NFIA: variants seen among roughly 807,000 people sequenced by gnomAD.
NFIA encodes nuclear factor 1 A-type.
NFIA carries 8 observed loss-of-function variants against 62.8 expected under a neutral mutation model. That is an observed-to-expected ratio of 0.13 (90% CI 0.07 to 0.23). NFIA has a LOEUF of 0.23. Ranked by LOEUF, NFIA falls within the 10% of genes least tolerant of loss-of-function variation. The pLI is 1.00. For missense variants in NFIA, 410 were observed against 642.1 expected, an observed-to-expected ratio of 0.64 and a Z score of 3.91; for synonymous variants, 235 against 238.1, an observed-to-expected ratio of 0.99 and a Z score of 0.12.
At chr1:61,352,343 C>A in intron 4 of NFIA, 107 bp from the exon 5 acceptor site, 1 of 742,876 alleles carries the variant, frequency 1.3e-6, no homozygotes, top group Non-Finnish European at 2.3e-6. Context: ...GATTCGCTTA[C>A]ATATAAATGC....
At chr1:61,224,831 G>A (rs901592040) in intron 2 of NFIA, among the ~76,000 whole-genome samples, 4 of 152,128 alleles carry the variant, frequency 2.6e-5, no homozygotes, top group African/African-American at 9.7e-5. Context: ...TTCTAATAAA[G>A]CTCTTAAGTG....
intron 4 of NFIA, among the ~76,000 whole-genome samples, chr1:61,351,189 C>T (rs538436087): frequency 3.9e-5 from 6 of 152,294 alleles, no homozygotes; most frequent in African/African-American, 1.4e-4. Flanking sequence ...GACATAGCCT[C>T]ATTGTAAGTT....
At chr1:61,451,606 G>A (rs975795209) in intron 10 of NFIA, among the ~76,000 whole-genome samples, 4 of 152,258 alleles carry the variant, frequency 2.6e-5, no homozygotes, top group Non-Finnish European at 4.4e-5. Context: ...GAATGTTACC[G>A]ACTAATTTTA....
intron 2 of NFIA, among the ~76,000 whole-genome samples, chr1:61,142,857 G>C (rs1302436567): frequency 5.9e-5 from 9 of 152,262 alleles, no homozygotes; most frequent in African/African-American, 2.2e-4. Context: ...TTAAGAGAGA[G>C]CCGGGGATGG....
chr1:61,128,382 G>A (rs766041022), intron 2 of NFIA, among the ~76,000 whole-genome samples: 7 of 152,070 alleles, frequency 4.6e-5, no homozygotes, highest in Non-Finnish European at 7.4e-5. Context: ...GAGCCGAGGC[G>A]GGTGGATCAC....
intron 2 of NFIA, among the ~76,000 whole-genome samples, chr1:61,267,686 G>A (rs1657259202): frequency 6.6e-6 from 1 of 152,108 alleles, no homozygotes; most frequent in African/African-American, 2.4e-5. Context: ...ATTGTTCCAA[G>A]GGTACATTTA....
At chr1:61,202,907 T>C (rs1652604931) in intron 2 of NFIA, among the ~76,000 whole-genome samples, 1 of 152,268 alleles carries the variant, frequency 6.6e-6, no homozygotes. Flanking sequence ...AAGCCTCATG[T>C]AAATCACGTC....
intron 3 of NFIA, among the ~76,000 whole-genome samples, chr1:61,302,236 G>A (rs1309820307): frequency 6.6e-6 from 1 of 152,134 alleles, no homozygotes; most frequent in Non-Finnish European, 1.5e-5. Context: ...TGGTCATATA[G>A]AACCTATATG....
intron 2 of NFIA, among the ~76,000 whole-genome samples, chr1:61,145,784 T>C (rs1343844944): frequency 5.3e-5 from 8 of 152,202 alleles, no homozygotes; most frequent in Non-Finnish European, 8.8e-5. Flanking sequence ...TAAATTTTAT[T>C]GGTGAGGTTT....
intron 2 of NFIA, among the ~76,000 whole-genome samples, chr1:61,253,948 C>CTT (rs560100422): frequency 6.6e-6 from 1 of 151,512 alleles, no homozygotes; most frequent in Non-Finnish European, 1.5e-5. Context: ...ATTTTTAAAA[C>CTT]TTTTTTTTTC....
In NFIA at chr1:61,088,965, G is replaced by C. The variant is rs140393767; in HGVS notation, c.559+285G>C. On this transcript the variant is annotated intron_variant, in intron 2 of 10. Transcript: ENST00000403491. This position sits in a 1 kb window ranked among gnomAD's most constrained non-coding sequence, Gnocchi z 4.5. ...ATCACATTTTTTGATGAGGGGATGA[G>C]AGAAGCCTCGTGAAAACCCTTTTAA... Among the ~76,000 whole-genome samples, 13 of 152,326 alleles carry C rather than the reference G, an allele frequency of 8.5e-5. No individual in the cohort carries two copies. The highest frequency in any genetic ancestry group is 3.1e-4 in the African/African-American group (13 of 41,570).
intron 2 of NFIA, among the ~76,000 whole-genome samples, chr1:61,218,894 CT>C (rs1394325371): frequency 6.6e-6 from 1 of 152,192 alleles, no homozygotes; most frequent in Non-Finnish European, 1.5e-5. Flanking sequence ...GCAGCATTAA[CT>C]TGTGTTTTTA....
chr1:61,170,519 A>G (rs1211891720), intron 2 of NFIA, among the ~76,000 whole-genome samples: 1 of 152,116 alleles, frequency 6.6e-6, no homozygotes, highest in African/African-American at 2.4e-5. Flanking sequence ...AGCATTTGGC[A>G]TTTCCCTGTA....
chr1:61,250,131 GA>G (rs1377356167), intron 2 of NFIA: 2 of 152,178 alleles, frequency 1.3e-5, no homozygotes, highest in African/African-American at 4.8e-5. Context: ...CCTCTATGCT[GA>G]AAATGATCAT....
In NFIA at chr1:61,409,214, T is replaced by C. The variant is rs77921167; in HGVS notation, c.1420+2487T>C. Among the ~76,000 whole-genome samples the C allele has an allele frequency of 1.8e-3, 269 of 152,288 alleles. 3 individuals are homozygous for C. The East Asian group carries it at 0.044, about 25-fold the overall frequency. On this transcript the variant is annotated intron_variant, in intron 9 of 10. Transcript: ENST00000403491. ...GAGTCCCAGAGCTTGATACAGATAATTTGATACTTACTTTTTGAATCATGG... is the reference window on the plus strand; with the variant it reads ...GAGTCCCAGAGCTTGATACAGATAACTTGATACTTACTTTTTGAATCATGG...
At chr1:61,304,280 A>C (rs915357332) in intron 3 of NFIA, among the ~76,000 whole-genome samples, 2 of 152,088 alleles carry the variant, frequency 1.3e-5, no homozygotes, top group South Asian at 2.1e-4. Flanking sequence ...CATCTAAAAA[A>C]GAAAAAGAGA....
chr1:61,238,428 C>T (rs1570433009), intron 2 of NFIA, among the ~76,000 whole-genome samples: 1 of 152,154 alleles, frequency 6.6e-6, no homozygotes, highest in African/African-American at 2.4e-5. Context: ...CAGACATCAT[C>T]GGAAAAGAAA....
intron 10 of NFIA, among the ~76,000 whole-genome samples, chr1:61,445,668 G>A (rs1012734925): frequency 1.3e-5 from 2 of 152,200 alleles, no homozygotes; most frequent in Admixed American, 1.3e-4. Flanking sequence ...ACCGCGCACA[G>A]GGAAATTGTT....
At chr1:61,441,109 G>C (rs1297279803) in intron 10 of NFIA, among the ~76,000 whole-genome samples, 1 of 152,174 alleles carries the variant, frequency 6.6e-6, no homozygotes, top group Non-Finnish European at 1.5e-5. Flanking sequence ...TATGAGTGAA[G>C]GAAGGGACTA....
Sources: gnomAD v4.1 joint callset for allele counts (sites outside exome capture counted in the v4.1 genomes callset) on GRCh38, gnomAD v4.1.1 for gene constraint, Gnocchi (gnomAD v3.1) non-coding constraint, MANE v1.5 for transcripts, NCBI Gene and HGNC (gene_info 2026-07-23, HGNC 2026-07-21) for gene names.